Variants in NME9 observed in about 807,000 individuals in gnomAD.
NME9 encodes NME/NM23 family member 9, also known as thioredoxin domain-containing protein 6.
NME9 carries 48 observed loss-of-function variants against 44.4 expected under a neutral mutation model. The observed-to-expected ratio is 1.08, with a 90% CI of 0.86 to 1.37. NME9 has a LOEUF of 1.37. Ranked by LOEUF, NME9 falls within the 40% of genes most tolerant of loss-of-function variation. The pLI, the probability that NME9 is intolerant of heterozygous loss-of-function variation, is 0.00. For synonymous variants in NME9, 139 were observed against 147.1 expected, an observed-to-expected ratio of 0.94 and a Z score of 0.40; for missense variants, 325 against 405.2, an observed-to-expected ratio of 0.80 and a Z score of 1.70.
intron 8 of NME9, among the ~76,000 whole-genome samples, chr3:138,281,261 A>G (rs938103506): frequency 2.7e-5 from 4 of 150,570 alleles, no homozygotes; most frequent in African/African-American, 9.8e-5. Context: ...CTTAGCTCAC[A>G]TATTCAATGA....
chr3:138,328,830 A>C (rs1266192537), intron 1 of NME9, among the ~76,000 whole-genome samples: 1 of 152,214 alleles, frequency 6.6e-6, no homozygotes, highest in Non-Finnish European at 1.5e-5. Flanking sequence ...TTTGTTAATA[A>C]GTGAAATTTG....
chr3:138,274,031 T>A (rs2049029972), intron 8 of NME9, among the ~76,000 whole-genome samples: 3 of 152,162 alleles, frequency 2.0e-5, no homozygotes, highest in African/African-American at 4.8e-5. Context: ...TTGGCCAGGC[T>A]GGTCTCGAAC....
Position 138,278,221 on chromosome 3 carries a change from T to C in NME9, c.746-15635A>G, listed in dbSNP as rs185920579. Reference sequence around the variant, plus strand: ...GGTTTTAAGATTCTATATATACATTTGGTAGGCCAGGCACGGTGGCTCACA... The same window carrying C: ...GGTTTTAAGATTCTATATATACATTCGGTAGGCCAGGCACGGTGGCTCACA... On this transcript the variant is annotated intron_variant, in intron 8 of 8. Transcript: ENST00000317876. Among the ~76,000 whole-genome samples, 88 of 152,186 alleles carry C rather than the reference T, an allele frequency of 5.8e-4. 1 individual carries two copies. The highest frequency in any genetic ancestry group is 3.4e-3 in the Middle Eastern group (1 of 294).
chr3:138,304,041 C>G (rs1325900453), intron 9 of NME9, among the ~76,000 whole-genome samples: 2 of 152,144 alleles, frequency 1.3e-5, no homozygotes, highest in Non-Finnish European at 2.9e-5. Flanking sequence ...GCAATAACCT[C>G]GTAAGATAAT....
rs111458947 is a variant in NME9 at position 138,316,604 on chromosome 3, C to CTATTTATT, written c.268-969_268-962dup. ...TTTCTGCTTTAACTCTTTCAAAAGT[C>CTATTTATT]TATTTATTTATTTATTTATTTATTT... On this transcript the variant is annotated intron_variant, in intron 4 of 10. Coordinates refer to ENST00000333911, the MANE Select transcript of NME9 (RefSeq NM_001349018.2). 9.9e-5 allele frequency among the ~76,000 whole-genome samples: 15 copies of CTATTTATT among 151,834 alleles called. No individual in the cohort carries two copies. In the South Asian group the frequency reaches 1.0e-3, roughly 11 times the overall value.
At chr3:138,307,091 A>G (rs1039728720) in intron 6 of NME9, among the ~76,000 whole-genome samples, 2 of 152,188 alleles carry the variant, frequency 1.3e-5, no homozygotes, top group African/African-American at 4.8e-5. Flanking sequence ...GCTCCAGCAC[A>G]TACTACCAGA....
intron 8 of NME9, among the ~76,000 whole-genome samples, chr3:138,275,508 A>G (rs1298734279): frequency 2.0e-5 from 3 of 152,118 alleles, no homozygotes; most frequent in African/African-American, 7.2e-5. Flanking sequence ...GCAGTGATCC[A>G]AGATAGCACC....
chr3:138,282,118 G>A (rs375998878), intron 8 of NME9, among the ~76,000 whole-genome samples: 2 of 152,166 alleles, frequency 1.3e-5, no homozygotes, highest in Admixed American at 6.5e-5. Flanking sequence ...CTGCATTTTG[G>A]TTTTGTCTTA....
intron 8 of NME9, chr3:138,263,538 A>C: frequency 3.4e-6 from 2 of 595,698 alleles, no homozygotes; most frequent in Non-Finnish European, 6.0e-6. Context: ...CCTGTCATTC[A>C]GCCTGGCAGG....
rs956611014 is a variant in NME9 at position 138,291,505 on chromosome 3, T to C, written c.745+12002A>G. On this transcript the variant is annotated intron_variant, in intron 8 of 8. Coordinates refer to the NME9 transcript ENST00000317876. ...ATTGTTTTAGGCACTGGAGATATAA[T>C]GGTGAATAAAATTGATGAAGTCTTT... is the stretch of plus-strand genomic sequence containing the variant. Among the ~76,000 whole-genome samples, 3 of 152,230 alleles carry C rather than the reference T, an allele frequency of 2.0e-5. No individual in the cohort carries two copies. In the South Asian group the frequency reaches 6.2e-4, roughly 31 times the overall value.
At chr3:138,320,566 A>G (rs990893749) in intron 2 of NME9, among the ~76,000 whole-genome samples, 3 of 152,270 alleles carry the variant, frequency 2.0e-5, no homozygotes, top group Admixed American at 6.5e-5. Context: ...AGTGAGAACT[A>G]TTAATATAAC....
Position 138,329,732 on chromosome 3 carries a change from T to A in NME9, c.-397A>T. On this transcript the variant is annotated 5_prime_UTR_variant, in exon 1 of 11. Coordinates refer to ENST00000333911, the MANE Select transcript of NME9 (RefSeq NM_001349018.2). ...AAAAAAACGACATGGGACCCTGTTA[T>A]CCCTGCTGTTCTTATGGATTACTGG... 9.5e-7 allele frequency: 1 copy of A among 1,048,536 alleles called. No homozygotes were observed. Among genetic ancestry groups the A allele is most frequent in the Non-Finnish European group, 1.1e-6 (1 of 870,388 alleles). 65.0% of individuals were successfully genotyped at this position (1,048,536 alleles called of 1,614,324 possible). A position where few individuals can be genotyped will look rare whatever the true frequency, so the allele number is the denominator to read the frequency against.
At chr3:138,318,099 C>G (rs1458386099) in intron 4 of NME9, 49 bp downstream of exon 4, 1 of 1,151,500 alleles carries the variant, frequency 8.7e-7, no homozygotes, top group Admixed American at 1.7e-5. Context: ...ATTTTGAACT[C>G]TAATGATTTG....
chr3:138,285,853 T>C (rs943105791), intron 8 of NME9, among the ~76,000 whole-genome samples: 2 of 152,172 alleles, frequency 1.3e-5, no homozygotes, highest in African/African-American at 4.8e-5. Context: ...CCAATACTAA[T>C]CCACACTGTA....
exon 9 of NME9, chr3:138,262,433 A>T (rs377449547): frequency 2.3e-6 from 3 of 1,291,838 alleles, no homozygotes; most frequent in African/African-American, 3.0e-5. Context: ...ATTTTCCCTG[A>T]TCATTGTTAA....
rs1258446808 is a variant in NME9 at position 138,301,699 on chromosome 3, C to T, written c.934G>A (p.Glu312Lys). 9 of 1,535,880 alleles carry T rather than the reference C, an allele frequency of 5.9e-6. No homozygotes were observed. The highest frequency in any genetic ancestry group is 7.0e-6 in the Non-Finnish European group (8 of 1,146,794). ...GTGGGCCCCGCTGTTGCTTCAGCCT[C>T]ACCGCCTGTGGGATGACAGATGTTT... ...DKDTEAPQGG[E>K]AEATAGPTEA... Residue 312 changes from glutamate (E) to lysine (K), a missense_variant, in exon 11 of 11, where the codon GAG becomes AAG. Glu to Lys is a moderately conservative substitution (Grantham distance 56). Coordinates refer to ENST00000333911, the MANE Select transcript of NME9 (RefSeq NM_001349018.2).
At chr3:138,312,513 T>A (rs948523352) in intron 6 of NME9, among the ~76,000 whole-genome samples, 14 of 152,178 alleles carry the variant, frequency 9.2e-5, no homozygotes, top group African/African-American at 3.4e-4. Flanking sequence ...AAAAGGACAT[T>A]CTCTTCAATA....
At chr3:138,265,254 T>A (rs2048168090) in intron 8 of NME9, among the ~76,000 whole-genome samples, 1 of 152,008 alleles carries the variant, frequency 6.6e-6, no homozygotes, top group African/African-American at 2.4e-5. Context: ...CAGGCCCCTT[T>A]TGTCCCCCCC....
intron 6 of NME9, among the ~76,000 whole-genome samples, chr3:138,309,138 A>C (rs189785274): frequency 4.8e-5 from 7 of 145,514 alleles, no homozygotes; most frequent in African/African-American, 1.9e-4. Context: ...TAAAAATACA[A>C]AAAAAAAATT....
Sources: allele counts gnomAD v4.1 joint callset (sites outside exome capture counted in the v4.1 genomes callset), GRCh38; gene constraint gnomAD v4.1.1; transcripts MANE v1.5; gene names NCBI Gene and HGNC (gene_info 2026-07-23, HGNC 2026-07-21).